The following DDX4 variants were observed in gnomAD, a reference collection of about 807,000 sequenced individuals.
DDX4 encodes probable ATP-dependent RNA helicase DDX4.
A neutral mutation model predicts 100.0 loss-of-function variants in DDX4; 25 were observed. That is an observed-to-expected ratio of 0.25 (90% confidence interval 0.18 to 0.35). The LOEUF (loss-of-function observed/expected upper bound fraction) is 0.35. DDX4 is among the 10% of genes least tolerant of loss of function. The pLI is 1.00. For synonymous variants in DDX4, 259 were observed against 275.7 expected (o/e 0.94, Z 0.60); for missense variants, 635 against 882.4 (o/e 0.72, Z 3.55).
intron 9 of DDX4, 100 bp from the exon 10 acceptor site, chr5:55,781,834 C>A: frequency 7.6e-7 from 1 of 1,318,388 alleles, no homozygotes; most frequent in Non-Finnish European, 1.1e-6. Flanking sequence ...GACCAGGATT[C>A]CTAAGTAATA....
chr5:55,807,257 G>A (rs1743792685), intron 18 of DDX4, among the ~76,000 whole-genome samples: 1 of 152,130 alleles, frequency 6.6e-6, no homozygotes, highest in Admixed American at 6.6e-5. Context: ...GCACACTGAT[G>A]GGTCTTGACT....
At chr5:55,751,900 T>A (rs975897016) in intron 3 of DDX4, among the ~76,000 whole-genome samples, 2 of 152,200 alleles carry the variant, frequency 1.3e-5, no homozygotes, top group Non-Finnish European at 2.9e-5. Flanking sequence ...TCCTTAGACT[T>A]TTGCCTTTCA....
chr5:55,792,952 C>T (rs544894941), intron 17 of DDX4, 145 bp downstream of exon 17: 142 of 414,358 alleles, frequency 3.4e-4, no homozygotes, highest in African/African-American at 2.9e-3. Flanking sequence ...ATTTCTAAAA[C>T]GTTTGCCACA....
intron 18 of DDX4, among the ~76,000 whole-genome samples, chr5:55,801,606 CATA>C (rs1743313583): frequency 3.3e-5 from 5 of 152,166 alleles, no homozygotes; most frequent in Admixed American, 2.6e-4. Context: ...ACCTCATGAC[CATA>C]ATAATCTCAG....
chr5:55,797,110 C>G (rs996765134), intron 17 of DDX4, among the ~76,000 whole-genome samples: 1 of 152,062 alleles, frequency 6.6e-6, no homozygotes, highest in East Asian at 1.9e-4. Context: ...TTCCAAAGTG[C>G]TAGGATTGTA....
intron 7 of DDX4, among the ~76,000 whole-genome samples, chr5:55,769,753 T>C (rs1273855961): frequency 1.3e-5 from 2 of 152,120 alleles, no homozygotes; most frequent in African/African-American, 4.8e-5. Context: ...TCACATTACC[T>C]GAGTTCAAAC....
At chr5:55,816,128 C>G (rs566091222) in intron 21 of DDX4, among the ~76,000 whole-genome samples, 1 of 152,106 alleles carries the variant, frequency 6.6e-6, no homozygotes, top group South Asian at 2.1e-4. Flanking sequence ...TTTTTATAGG[C>G]TGAACACCGC....
chr5:55,798,163 G>A (rs1167248474), intron 17 of DDX4, among the ~76,000 whole-genome samples: 1 of 151,850 alleles, frequency 6.6e-6, no homozygotes, highest in Non-Finnish European at 1.5e-5. Flanking sequence ...ATATAGTTTT[G>A]CGTGGATAGC....
chr5:55,774,391 G>T (rs765532249), intron 7 of DDX4, among the ~76,000 whole-genome samples: 4 of 152,044 alleles, frequency 2.6e-5, no homozygotes, highest in Non-Finnish European at 4.4e-5. Context: ...GGCTCAAGCA[G>T]TTCTCCCTTC....
intron 17 of DDX4, among the ~76,000 whole-genome samples, chr5:55,797,717 C>G (rs1743052275): frequency 6.6e-6 from 1 of 152,192 alleles, no homozygotes; most frequent in African/African-American, 2.4e-5. Context: ...TGTCCACTCC[C>G]CTATATTTCT....
In DDX4 at chr5:55,791,951, A is replaced by AAC. The variant is rs372353234; in HGVS notation, c.1303-672_1303-671dup. Among the ~76,000 whole-genome samples the AAC allele has an allele frequency of 4.1e-3, 615 of 150,674 alleles. 4 individuals are homozygous for AAC. The highest frequency in any genetic ancestry group is 0.01 in the Middle Eastern group (3 of 294). ...ATGGTGAAACCCCGTCTCTACTAAA[A>AAC]ACACACACACACACACACAAAAATT... On this transcript the variant is annotated intron_variant, in intron 16 of 21. Coordinates refer to ENST00000505374, the MANE Select transcript of DDX4 (RefSeq NM_024415.3).
At chr5:55,812,272 TC>T in intron 18 of DDX4, among the ~76,000 whole-genome samples, 1 of 152,126 alleles carries the variant, frequency 6.6e-6, no homozygotes, top group Non-Finnish European at 1.5e-5. Context: ...TGTTAATACT[TC>T]CGTAGGGGCC....
At chr5:55,770,639 C>T (rs1237644377) in intron 7 of DDX4, among the ~76,000 whole-genome samples, 1 of 152,054 alleles carries the variant, frequency 6.6e-6, no homozygotes, top group Non-Finnish European at 1.5e-5. Context: ...CATTCTTTTC[C>T]TTTGCCCATT....
intron 7 of DDX4, among the ~76,000 whole-genome samples, chr5:55,778,180 A>G (rs1741687866): frequency 6.6e-6 from 1 of 152,194 alleles, no homozygotes; most frequent in Non-Finnish European, 1.5e-5. Context: ...TTCATGATTT[A>G]GAAACTGAAT....
In DDX4 at chr5:55,815,018, T is replaced by C. The variant is rs1278696473; in HGVS notation, c.1833T>C (p.His611=). ...ARGLDIENVQ[H]VINFDLPSTI... The stretch of plus-strand genomic sequence containing the variant: ...GGCTGGATATTGAAAATGTGCAACA[T>C]GTTATCAATTTTGATCTTCCTTCTA... The change falls in exon 20 of 22, where the codon CAT becomes CAC. Residue 611 remains histidine (H), a synonymous_variant. Transcript: ENST00000505374. 1 of 1,614,090 alleles carries C rather than the reference T, an allele frequency of 6.2e-7. No homozygotes were observed. Among genetic ancestry groups the C allele is most frequent in the East Asian group, 2.2e-5 (1 of 44,896 alleles).
At chr5:55,791,658 T>C (rs1341962227) in intron 16 of DDX4, among the ~76,000 whole-genome samples, 1 of 152,202 alleles carries the variant, frequency 6.6e-6, no homozygotes, top group South Asian at 2.1e-4. Context: ...TCTAACTTTA[T>C]CAAATACTAT....
chr5:55,805,200 C>T (rs1266692772), intron 18 of DDX4, among the ~76,000 whole-genome samples: 12 of 152,010 alleles, frequency 7.9e-5, no homozygotes, highest in Middle Eastern at 3.4e-3. Context: ...CTGAAGTTGC[C>T]TATCAGCTTA....
intron 7 of DDX4, among the ~76,000 whole-genome samples, chr5:55,775,315 C>T (rs1278536578): frequency 6.6e-6 from 1 of 152,168 alleles, no homozygotes; most frequent in Non-Finnish European, 1.5e-5. Context: ...GAACATTCAC[C>T]TACAGTTATC....
In DDX4 at chr5:55,786,406, G is replaced by A. The variant is rs562869186; in HGVS notation, c.865-112G>A. On this transcript the variant is annotated intron_variant, in intron 13 of 21. Coordinates refer to ENST00000505374, the MANE Select transcript of DDX4 (RefSeq NM_024415.3). ...GAGGCATGTTACTAAAGTCACTTTA[G>A]TATATAAAGTAGAATTAACAGAACT... 5.5e-6 allele frequency: 4 copies of A among 720,914 alleles called. No individual in the cohort carries two copies. In the East Asian group the frequency reaches 1.1e-4, roughly 20 times the overall value. 44.7% of individuals were successfully genotyped at this position (720,914 alleles called of 1,614,324 possible). A position where few individuals can be genotyped will look rare whatever the true frequency, so the allele number is the denominator to read the frequency against.
Sources: allele counts gnomAD v4.1 joint callset (sites outside exome capture counted in the v4.1 genomes callset), GRCh38; gene constraint gnomAD v4.1.1; transcripts MANE v1.5; gene names NCBI Gene and HGNC (gene_info 2026-07-23, HGNC 2026-07-21).